CMC2: variants seen among roughly 807,000 people sequenced by gnomAD.
CMC2 encodes the protein COX assembly mitochondrial protein 2 homolog.
In CMC2, 5 loss-of-function variants were observed where a neutral mutation model predicts 7.5. The ratio of observed to expected loss-of-function variants is 0.66; its 90% CI spans 0.35 to 1.40. The LOEUF is 1.40. Ranked by LOEUF, CMC2 falls within the 40% of genes most tolerant of loss-of-function variation. The pLI is 0.04. For synonymous variants in CMC2, 37 were observed against 31.4 expected (o/e 1.18, Z -0.60); for missense variants, 115 against 92.3 (o/e 1.25, Z -1.01).
rs1912135023 is a variant in CMC2, at chr16:80,974,445, C to G, written c.*1648G>C. ...CATATTAAAACCTGCAACTGGTCAT[C>G]ACAGCACTGAAAATAAAATTCCAAC... On this transcript the variant is annotated 3_prime_UTR_variant, in exon 4 of 4. Transcript: ENST00000219400. The G allele has an allele frequency of 6.6e-6, 1 of 152,210 alleles. No homozygotes were observed. Among genetic ancestry groups the G allele is most frequent in the Non-Finnish European group, 1.5e-5 (1 of 68,050 alleles). The allele number at this position is 152,210 out of a possible 1,614,324, so 9.4% of individuals were successfully genotyped here.
Position 80,971,520 on chromosome 16 carries a change from C to T in CMC2, c.*4573G>A, listed in dbSNP as rs1911911751. On this transcript the variant is annotated 3_prime_UTR_variant, in exon 4 of 4. Coordinates refer to ENST00000219400, the MANE Select transcript of CMC2 (RefSeq NM_020188.5). ...ACGCCTCCTAAGTAAAATGACTAAA[C>T]ATGCAAAATAAAATATGGCTATGGA... 7.1e-6 allele frequency: 1 copy of T among 140,898 alleles called. No homozygotes were observed. Among genetic ancestry groups the T allele is most frequent in the Non-Finnish European group, 1.5e-5 (1 of 66,214 alleles). 8.7% of individuals were successfully genotyped at this position (140,898 alleles called of 1,614,324 possible). A position where few individuals can be genotyped will look rare whatever the true frequency, so the allele number is the denominator to read the frequency against.
Position 80,977,800 on chromosome 16 carries a change from G to A in CMC2, c.154-1621C>T, listed in dbSNP as rs145193903. ...CAAAAGGCTACTTCAGGCCGGGTGC[G>A]GTGACTCATGCTTATAATCCCAGCA... is the stretch of plus-strand genomic sequence containing the variant. On this transcript the variant is annotated intron_variant, in intron 3 of 3. Transcript: ENST00000219400. Among the ~76,000 whole-genome samples the A allele has an allele frequency of 4.5e-3, 686 of 152,206 alleles. 9 individuals are homozygous for A. Among genetic ancestry groups the A allele is most frequent in the African/African-American group, 0.016 (661 of 41,532 alleles).
rs1912072153 is a variant in CMC2 at position 80,973,458 on chromosome 16, C to T, written c.*2635G>A. 6.6e-6 allele frequency: 1 copy of T among 152,200 alleles called. No homozygotes were observed. Among genetic ancestry groups the T allele is most frequent in the African/African-American group, 2.4e-5 (1 of 41,444 alleles). 9.4% of individuals were successfully genotyped at this position (152,200 alleles called of 1,614,324 possible). ...TATCACATACATCTCAACCAATCCT[C>T]ACAATAACTCTATGTGACAGGTACT... On this transcript the variant is annotated 3_prime_UTR_variant, in exon 4 of 4. Coordinates refer to ENST00000219400, the MANE Select transcript of CMC2 (RefSeq NM_020188.5).
intron 1 of CMC2, among the ~76,000 whole-genome samples, chr16:81,002,868 T>A (rs946619065): frequency 1.3e-5 from 2 of 152,218 alleles, no homozygotes; most frequent in African/African-American, 4.8e-5. Flanking sequence ...TGTCAAAGAA[T>A]AAAATGGTTT....
At chr16:81,005,046 C>A (rs1289353361) in intron 1 of CMC2, among the ~76,000 whole-genome samples, 2 of 152,040 alleles carry the variant, frequency 1.3e-5, no homozygotes, top group Non-Finnish European at 2.9e-5. Context: ...GCAAAATAAG[C>A]AAAAAACAAG....
intron 1 of CMC2, among the ~76,000 whole-genome samples, chr16:81,005,201 G>GGCAGATCACTTGA (rs1413249372): frequency 5.3e-5 from 8 of 152,218 alleles, no homozygotes; most frequent in African/African-American, 1.9e-4. Context: ...GGCCGAGGCA[G>GGCAGATCACTTGA]GCAGATCACT....
Position 80,993,474 on chromosome 16 carries a change from C to T in CMC2, c.81+3840G>A, listed in dbSNP as rs930394575. On this transcript the variant is annotated intron_variant, in intron 2 of 3. Transcript: ENST00000219400. ...AAGAACTCCAGAAATCTACATGGAG[C>T]TGCCTTGAGTCACTGACTGAGTATT... 5.3e-5 allele frequency among the ~76,000 whole-genome samples: 8 copies of T among 152,212 alleles called. No homozygotes were observed. In the South Asian group the frequency reaches 1.5e-3, roughly 28 times the overall value.
At chr16:80,980,805 G>C in intron 3 of CMC2, 1 of 699,494 alleles carries the variant, frequency 1.4e-6, no homozygotes, top group Non-Finnish European at 2.6e-6. Flanking sequence ...TGAGGTGGGA[G>C]GATCACTTGA....
chr16:80,979,649 C>T (rs554292976), intron 3 of CMC2, among the ~76,000 whole-genome samples: 3 of 151,844 alleles, frequency 2.0e-5, no homozygotes, highest in African/African-American at 4.8e-5. Context: ...GACAGAGTCT[C>T]TCACTCTGTC....
intron 3 of CMC2, among the ~76,000 whole-genome samples, chr16:80,978,747 G>A (rs376550014): frequency 2.6e-5 from 4 of 151,924 alleles, no homozygotes; most frequent in African/African-American, 4.8e-5. Context: ...GTGACACAGC[G>A]GAGTCCCAAC....
intron 2 of CMC2, among the ~76,000 whole-genome samples, chr16:80,992,364 G>A (rs988742941): frequency 6.6e-6 from 1 of 152,124 alleles, no homozygotes; most frequent in Non-Finnish European, 1.5e-5. Context: ...ATACTTTTAA[G>A]ATAAATTCCT....
intron 1 of CMC2, among the ~76,000 whole-genome samples, chr16:81,001,066 C>T (rs1437355642): frequency 1.3e-5 from 2 of 152,158 alleles, no homozygotes; most frequent in East Asian, 1.9e-4. Context: ...CAGCTGGAAG[C>T]CATTATCCTA....
chr16:80,991,663 C>A, intron 2 of CMC2: 1 of 210,630 alleles, frequency 4.7e-6, no homozygotes, highest in Non-Finnish European at 9.7e-6. Flanking sequence ...GGTACAGAAA[C>A]CTAACACGTA....
At position 80,973,600 on chromosome 16, in the gene CMC2, T is replaced by C. The variant is rs1912081010; in HGVS notation, c.*2493A>G. 6.6e-6 allele frequency: 1 copy of C among 152,204 alleles called. No individual in the cohort carries two copies. The highest frequency in any genetic ancestry group is 2.4e-5 in the African/African-American group (1 of 41,454). 9.4% of individuals were successfully genotyped at this position (152,204 alleles called of 1,614,324 possible). On this transcript the variant is annotated 3_prime_UTR_variant, in exon 4 of 4. Coordinates refer to ENST00000219400, the MANE Select transcript of CMC2 (RefSeq NM_020188.5). ...CCTAAAACTTTCTAATGGTTTTCCA[T>C]TATGCTCCAAATAACATGCAAGTTC...
At chr16:80,996,084 C>G (rs934971925) in intron 2 of CMC2, among the ~76,000 whole-genome samples, 1 of 151,002 alleles carries the variant, frequency 6.6e-6, no homozygotes, top group African/African-American at 2.4e-5. Flanking sequence ...CAAATATAAA[C>G]ATAAAACAAA....
intron 3 of CMC2, among the ~76,000 whole-genome samples, chr16:80,979,938 G>A (rs2084962): frequency 0.015 from 2,204 of 151,554 alleles, 53 homozygotes; most frequent in African/African-American, 0.051. Context: ...ATTTTTTAGA[G>A]ATAGGGTCTC....
rs1420087474 is a variant in CMC2 at position 80,973,034 on chromosome 16, G to A, written c.*3059C>T. Reference sequence around the variant, plus strand: ...AATTCAAAATATTTGGAAATCCTCAGGAAAAAGTGCGCTTGCTCTAGACAG... The same window carrying A: ...AATTCAAAATATTTGGAAATCCTCAAGAAAAAGTGCGCTTGCTCTAGACAG... On this transcript the variant is annotated 3_prime_UTR_variant, in exon 4 of 4. Coordinates refer to ENST00000219400, the MANE Select transcript of CMC2 (RefSeq NM_020188.5). 1 of 152,280 alleles carries A rather than the reference G, an allele frequency of 6.6e-6. No homozygotes were observed. Among genetic ancestry groups the A allele is most frequent in the African/African-American group, 2.4e-5 (1 of 41,462 alleles). 9.4% of individuals were successfully genotyped at this position (152,280 alleles called of 1,614,324 possible).
At position 80,971,458 on chromosome 16, in the gene CMC2, A is replaced by ATTTT. The variant is rs1911906416; in HGVS notation, c.*4634_*4635insAAAA. The ATTTT allele has an allele frequency of 2.0e-5, 3 of 146,352 alleles. No individual in the cohort carries two copies. Among genetic ancestry groups the ATTTT allele is most frequent in the African/African-American group, 8.0e-5 (3 of 37,546 alleles). 9.1% of individuals were successfully genotyped at this position (146,352 alleles called of 1,614,324 possible). ...ATCAACATAGTATTTTTTTTTTAAA[A>ATTTT]AAAAAAGGTACGCTACCAAAGGCTA... On this transcript the variant is annotated 3_prime_UTR_variant, in exon 4 of 4. Coordinates refer to ENST00000219400, the MANE Select transcript of CMC2 (RefSeq NM_020188.5).
At position 80,967,141 on chromosome 16, in the gene CMC2, G is replaced by A. The variant is rs1319012290; in HGVS notation, c.*8952C>T. Reference sequence around the variant, plus strand: ...GCTGCAGATACAGGAATAATGTGGTGTCTGCCCAGAGAGGTGTCAGCCCAG... The same window carrying A: ...GCTGCAGATACAGGAATAATGTGGTATCTGCCCAGAGAGGTGTCAGCCCAG... On this transcript the variant is annotated 3_prime_UTR_variant, in exon 4 of 4. Coordinates refer to ENST00000219400, the MANE Select transcript of CMC2 (RefSeq NM_020188.5). The A allele has an allele frequency of 6.6e-6, 1 of 152,188 alleles. No individual in the cohort carries two copies. The highest frequency in any genetic ancestry group is 1.5e-5 in the Non-Finnish European group (1 of 68,042). 9.4% of individuals were successfully genotyped at this position (152,188 alleles called of 1,614,324 possible). A position where few individuals can be genotyped will look rare whatever the true frequency, so the allele number is the denominator to read the frequency against.
Sources: gnomAD v4.1 joint callset for allele counts (sites outside exome capture counted in the v4.1 genomes callset) on GRCh38, gnomAD v4.1.1 for gene constraint, MANE v1.5 for transcripts, NCBI Gene and HGNC (gene_info 2026-07-23, HGNC 2026-07-21) for gene names.